The following FGD4 variants were observed in gnomAD, a reference collection of about 807,000 sequenced individuals.
FGD4 encodes the protein FYVE, RhoGEF and PH domain-containing protein 4.
A neutral mutation model predicts 102.0 loss-of-function variants in FGD4; 42 were observed. That is an observed-to-expected ratio of 0.41 (90% confidence interval 0.32 to 0.53). The LOEUF is 0.53. FGD4 is among the 20% of genes least tolerant of loss of function. The probability of loss-of-function intolerance (pLI) is 0.21; values close to 1 mark genes in which losing one functional copy is unlikely to be tolerated. For synonymous variants in FGD4, 380 were observed against 375.7 expected, an observed-to-expected ratio of 1.01 and a Z score of -0.13; for missense variants, 902 against 1,078.2, an observed-to-expected ratio of 0.84 and a Z score of 2.29.
At chr12:32,415,501 C>A (rs573036043) in intron 1 of FGD4, among the ~76,000 whole-genome samples, 17 of 146,392 alleles carry the variant, frequency 1.2e-4, no homozygotes, top group Admixed American at 1.1e-3. Flanking sequence ...CGGCTCACTG[C>A]AAGCTCCGTC....
chr12:32,516,726 T>A (rs1939935413), intron 1 of FGD4, among the ~76,000 whole-genome samples: 1 of 152,212 alleles, frequency 6.6e-6, no homozygotes, highest in South Asian at 2.1e-4. Flanking sequence ...GTGGCTTATG[T>A]GGTAAAATCC....
chr12:32,528,291 G>T (rs1197305998), intron 1 of FGD4, among the ~76,000 whole-genome samples: 3 of 152,214 alleles, frequency 2.0e-5, no homozygotes, highest in Non-Finnish European at 2.9e-5. Flanking sequence ...GGGGCTGGGG[G>T]ATTGGTTCCA....
chr12:32,448,757 G>A (rs191685730), intron 1 of FGD4, among the ~76,000 whole-genome samples: 12 of 152,106 alleles, frequency 7.9e-5, no homozygotes, highest in East Asian at 7.7e-4. Context: ...GAAGCAGTCC[G>A]GTAACACAGG....
intron 3 of FGD4, among the ~76,000 whole-genome samples, chr12:32,577,674 T>G (rs1946238552): frequency 6.6e-6 from 1 of 152,252 alleles, no homozygotes; most frequent in Non-Finnish European, 1.5e-5. Flanking sequence ...TCTCTTCCTC[T>G]GAAGTAGGAT....
At chr12:32,446,772 G>C (rs2136465618) in intron 1 of FGD4, among the ~76,000 whole-genome samples, 1 of 152,258 alleles carries the variant, frequency 6.6e-6, no homozygotes, top group Non-Finnish European at 1.5e-5. Flanking sequence ...TGTTCTACAA[G>C]CTTAAAAGTG....
chr12:32,540,069 G>C (rs567060444), intron 1 of FGD4, among the ~76,000 whole-genome samples: 4 of 152,036 alleles, frequency 2.6e-5, no homozygotes, highest in Admixed American at 2.6e-4. Context: ...AGGTATTTCT[G>C]GTAACTTTTT....
chr12:32,510,680 A>G (rs1324042247), intron 1 of FGD4, among the ~76,000 whole-genome samples: 2 of 152,192 alleles, frequency 1.3e-5, no homozygotes, highest in African/African-American at 2.4e-5. Flanking sequence ...TGAATTTCCT[A>G]GTAATTAGAC....
rs79369688 is a variant in FGD4 at position 32,624,663 on chromosome 12, G to A, written c.1953+211G>A. ...TTTTTTTTTTGTATTTCGTAGAGAC[G>A]AGGTTTTGCCATGCTGCCCAGGCTG... On this transcript the variant is annotated intron_variant, in intron 12 of 16. Coordinates refer to ENST00000534526, the MANE Select transcript of FGD4 (RefSeq NM_001370298.3). 1.1e-4 allele frequency: 74 copies of A among 677,648 alleles called. No homozygotes were observed. The East Asian group carries it at 1.6e-3, about 15-fold the overall frequency. 42.0% of individuals were successfully genotyped at this position (677,648 alleles called of 1,614,324 possible). A position where few individuals can be genotyped will look rare whatever the true frequency, so the allele number is the denominator to read the frequency against.
At chr12:32,534,407 C>A in intron 1 of FGD4, 1 of 1,506,428 alleles carries the variant, frequency 6.6e-7, no homozygotes, top group Middle Eastern at 1.7e-4. Flanking sequence ...GATTTTATCA[C>A]ATGAACTTTA....
chr12:32,515,176 C>A (rs1939768585), intron 1 of FGD4, among the ~76,000 whole-genome samples: 2 of 152,192 alleles, frequency 1.3e-5, no homozygotes, highest in Admixed American at 1.3e-4. Context: ...AGGAGTGGCA[C>A]AACACCATGG....
intron 1 of FGD4, among the ~76,000 whole-genome samples, chr12:32,492,150 G>T (rs1443072058): frequency 6.6e-6 from 1 of 152,200 alleles, no homozygotes; most frequent in East Asian, 1.9e-4. Context: ...TTTGAATCAG[G>T]TGGCAAGCCT....
chr12:32,455,727 C>T (rs1275475149), intron 1 of FGD4, among the ~76,000 whole-genome samples: 1 of 152,068 alleles, frequency 6.6e-6, no homozygotes, highest in Non-Finnish European at 1.5e-5. Context: ...GCAGCATGAT[C>T]TAGTCTAAGA....
chr12:32,430,590 TA>T (rs1321177014), intron 1 of FGD4, among the ~76,000 whole-genome samples: 3 of 151,736 alleles, frequency 2.0e-5, no homozygotes, highest in African/African-American at 7.3e-5. Flanking sequence ...TTACTCTATT[TA>T]AAAAAACTGT....
intron 1 of FGD4, among the ~76,000 whole-genome samples, chr12:32,493,272 T>C (rs1383832211): frequency 6.6e-6 from 1 of 152,236 alleles, no homozygotes; most frequent in East Asian, 1.9e-4. Flanking sequence ...GATTTCCAGT[T>C]TTGCTAAGAA....
chr12:32,530,502 G>C (rs1290267658), intron 1 of FGD4, among the ~76,000 whole-genome samples: 1 of 152,146 alleles, frequency 6.6e-6, no homozygotes, highest in African/African-American at 2.4e-5. Flanking sequence ...TCACGTGAAT[G>C]TTTGGCAGAA....
intron 1 of FGD4, among the ~76,000 whole-genome samples, chr12:32,476,732 G>A (rs892860689): frequency 6.6e-6 from 1 of 152,110 alleles, no homozygotes; most frequent in Admixed American, 6.6e-5. Context: ...CATAAAAGAA[G>A]GTGCCTGGCC....
chr12:32,632,711 TTA>T (rs1473768182), intron 14 of FGD4, among the ~76,000 whole-genome samples: 30 of 127,186 alleles, frequency 2.4e-4, no homozygotes, highest in East Asian at 1.4e-3. Flanking sequence ...ATTTATTTAT[TTA>T]TTTTTTTTTT....
chr12:32,411,994 A>G (rs1306715580), intron 1 of FGD4, among the ~76,000 whole-genome samples: 1 of 152,208 alleles, frequency 6.6e-6, no homozygotes, highest in Non-Finnish European at 1.5e-5. Flanking sequence ...AAAAAGGCAC[A>G]TAGAGAAAAA....
chr12:32,499,844 C>T (rs12830147), intron 1 of FGD4, among the ~76,000 whole-genome samples: 19,341 of 152,054 alleles, frequency 0.13, 2,534 homozygotes, highest in African/African-American at 0.33. Flanking sequence ...GGCGAAACTC[C>T]GTCTGTACTA....
Sources: allele counts gnomAD v4.1 joint callset (sites outside exome capture counted in the v4.1 genomes callset), GRCh38; gene constraint gnomAD v4.1.1; transcripts MANE v1.5; gene names NCBI Gene and HGNC (gene_info 2026-07-23, HGNC 2026-07-21).